The following SLC12A5 variants were observed in gnomAD, a reference collection of about 807,000 sequenced individuals.
SLC12A5 encodes the protein solute carrier family 12 member 5, also known as K-Cl cotransporter 2.
A neutral mutation model predicts 124.0 loss-of-function variants in SLC12A5; 18 were observed. The ratio of observed to expected loss-of-function variants is 0.15; its 90% CI spans 0.10 to 0.22. SLC12A5 has a LOEUF of 0.22. SLC12A5 is among the 10% of genes least tolerant of loss of function. SLC12A5 has a pLI of 1.00. For missense variants in SLC12A5, 867 were observed against 1,478.7 expected, an observed-to-expected ratio of 0.59 and a Z score of 6.78; for synonymous variants, 589 against 568.0, an observed-to-expected ratio of 1.04 and a Z score of -0.53.
intron 9 of SLC12A5, 130 bp from the exon 10 acceptor site, chr20:46,043,503 G>A: frequency 1.7e-6 from 2 of 1,180,622 alleles, no homozygotes; most frequent in Middle Eastern, 2.7e-4. Context: ...ACATGTCCAA[G>A]GTCTCACACA....
chr20:46,032,423 A>G (rs918787899), intron 1 of SLC12A5, among the ~76,000 whole-genome samples: 2 of 152,228 alleles, frequency 1.3e-5, no homozygotes, highest in East Asian at 3.8e-4. Context: ...CAGGACCCCA[A>G]AATCTTGCGG....
At chr20:46,024,975 A>G (rs1341559270), upstream of SLC12A5, among the ~76,000 whole-genome samples, 3 of 152,204 alleles carry the variant, frequency 2.0e-5, no homozygotes, top group Admixed American at 6.5e-5. Context: ...ATGTGTCCCC[A>G]TGGAGGGAGA....
intron 1 of SLC12A5, among the ~76,000 whole-genome samples, chr20:46,031,502 G>A (rs2084449036): frequency 6.6e-6 from 1 of 152,178 alleles, no homozygotes; most frequent in African/African-American, 2.4e-5. Context: ...AGATTCTTGG[G>A]GATGTACGGG....
intron 6 of SLC12A5, among the ~76,000 whole-genome samples, 167 bp from the exon 7 acceptor site, chr20:46,040,206 G>C (rs1350555777): frequency 1.4e-4 from 21 of 152,230 alleles, no homozygotes; most frequent in Non-Finnish European, 1.5e-5. Context: ...CATAGTCCTT[G>C]CAGGACAGGC....
chr20:46,056,096 G>A lies in SLC12A5; in HGVS notation c.2788-54G>A, dbSNP rs544959995. ...TCATCTCTGGTGATAGCTCTTTGCAGGGCATGGGTGGTGACTCCCAGCAGA... is the reference window on the plus strand; with the variant it reads ...TCATCTCTGGTGATAGCTCTTTGCAAGGCATGGGTGGTGACTCCCAGCAGA... On this transcript the variant is annotated intron_variant, in intron 21 of 25. Coordinates refer to ENST00000243964, the MANE Select transcript of SLC12A5 (RefSeq NM_020708.5). This position sits in a 1 kb window ranked among gnomAD's most constrained non-coding sequence, Gnocchi z 4.3. 1 of 1,607,524 alleles carries A rather than the reference G, an allele frequency of 6.2e-7. No individual in the cohort carries two copies. Among genetic ancestry groups the A allele is most frequent in the Admixed American group, 1.7e-5 (1 of 59,566 alleles).
At chr20:46,040,269 C>A in intron 6 of SLC12A5, 104 bp from the exon 7 acceptor site, 1 of 1,509,322 alleles carries the variant, frequency 6.6e-7, no homozygotes. Context: ...CAGTCTGGTA[C>A]CACTGTGACT....
intron 6 of SLC12A5, chr20:46,038,185 C>CATTTT (rs944576563): frequency 6.6e-6 from 1 of 152,064 alleles, no homozygotes; most frequent in African/African-American, 2.4e-5. Context: ...TAAAGGTGGC[C>CATTTT]ATTTTATTTT....
In SLC12A5 at chr20:46,053,536, C is replaced by G. The variant is rs2084664211; in HGVS notation, c.2548-42C>G. ...GGCCTGGCCCTGGATCTCCTCATCACATCTGGGCTGGACCTTTCTGAATCC... is the reference window on the plus strand; with the variant it reads ...GGCCTGGCCCTGGATCTCCTCATCAGATCTGGGCTGGACCTTTCTGAATCC... On this transcript the variant is annotated intron_variant, in intron 19 of 25. Transcript: ENST00000243964. This position sits in a 1 kb window ranked among gnomAD's most constrained non-coding sequence, Gnocchi z 4.7. 1 of 1,610,162 alleles carries G rather than the reference C, an allele frequency of 6.2e-7. No homozygotes were observed. The highest frequency in any genetic ancestry group is 8.5e-7 in the Non-Finnish European group (1 of 1,178,768).
rs1403923520 is a variant in SLC12A5, at chr20:46,045,182, C to A, written c.1569+42C>A. ...AACAGCCCACCCTCAGTAGACCAGC[C>A]AGGCCCCTGCCCAGAGAGACCACAC... On this transcript the variant is annotated intron_variant, in intron 12 of 25. Transcript: ENST00000243964. This position sits in a 1 kb window ranked among gnomAD's most constrained non-coding sequence, Gnocchi z 4.9. The A allele has an allele frequency of 1.3e-6, 2 of 1,524,482 alleles. No individual in the cohort carries two copies. The highest frequency in any genetic ancestry group is 1.8e-6 in the Non-Finnish European group (2 of 1,142,220). The allele number at this position is 1,524,482 out of a possible 1,614,324, so 94.4% of individuals were successfully genotyped here.
intron 1 of SLC12A5, among the ~76,000 whole-genome samples, chr20:46,034,427 G>C (rs2084479400): frequency 6.6e-6 from 1 of 152,224 alleles, no homozygotes; most frequent in South Asian, 2.1e-4. Flanking sequence ...CAAGGATGAT[G>C]TCTTCTGTGT....
At chr20:46,025,390 C>T (rs1051924209), upstream of SLC12A5, among the ~76,000 whole-genome samples, 12 of 152,116 alleles carry the variant, frequency 7.9e-5, no homozygotes, top group Non-Finnish European at 1.3e-4. Flanking sequence ...CAAGGTGAGC[C>T]CTAGGAATCT....
intron 13 of SLC12A5, 33 bp from the exon 14 acceptor site, chr20:46,046,305 C>T (rs1411491741): frequency 6.3e-7 from 1 of 1,587,706 alleles, no homozygotes; most frequent in Non-Finnish European, 8.6e-7. Flanking sequence ...CCCTTTGCAT[C>T]TCTGTCTCCC....
chr20:46,041,265 T>G, intron 7 of SLC12A5, 64 bp from the exon 8 acceptor site: 1 of 1,425,868 alleles, frequency 7.0e-7, no homozygotes, highest in Non-Finnish European at 9.8e-7. Context: ...TCCCGGTGGC[T>G]GTATTGTGCA....
At chr20:46,021,901 G>A (rs964457927) in intron 1 of SLC12A5, 2 of 1,513,886 alleles carry the variant, frequency 1.3e-6, no homozygotes, top group Non-Finnish European at 1.8e-6. Context: ...AGGCCGCAGG[G>A]GGCGGGGCCT....
In SLC12A5 at chr20:46,056,762, GGAAAGGT is replaced by G. The variant is rs2084699663; in HGVS notation, c.3111-131_3111-125del. The stretch of plus-strand genomic sequence containing the variant: ...CTCAGAATTCCCAGTTGCAGGCAGC[GGAAAGGT>G]GAAGGGTGTGGGGGCTGGCAGAGCA... On this transcript the variant is annotated intron_variant, in intron 23 of 25. Transcript: ENST00000243964. The surrounding 1 kb of genome is among the most constrained non-coding windows in gnomAD (Gnocchi z 4.3). 1 of 1,182,384 alleles carries G rather than the reference GGAAAGGT, an allele frequency of 8.5e-7. No homozygotes were observed. The highest frequency in any genetic ancestry group is 1.5e-5 in the African/African-American group (1 of 66,218). The allele number at this position is 1,182,384 out of a possible 1,614,324, so 73.2% of individuals were successfully genotyped here.
intron 3 of SLC12A5, 51 bp downstream of exon 3, chr20:46,035,586 G>T (rs148864765): frequency 2.0e-6 from 3 of 1,522,158 alleles, no homozygotes; most frequent in African/African-American, 1.4e-5. Context: ...GATGGGGGGT[G>T]GGGGAGGATG....
At chr20:46,034,752 G>A (rs528967418) in intron 1 of SLC12A5, among the ~76,000 whole-genome samples, 196 bp from the exon 2 acceptor site, 2 of 152,206 alleles carry the variant, frequency 1.3e-5, no homozygotes, top group Admixed American at 6.5e-5. Context: ...CTGTTAATAC[G>A]CAGTGCATAC....
intron 7 of SLC12A5, chr20:46,041,121 T>C (rs2084542320): frequency 1.1e-5 from 6 of 525,890 alleles, no homozygotes; most frequent in Non-Finnish European, 6.8e-6. Flanking sequence ...ATGCGGTGCT[T>C]CTCCACCTTG....
chr20:46,049,833 C>T (rs751834950), intron 17 of SLC12A5, 43 bp downstream of exon 17: 1 of 1,515,842 alleles, frequency 6.6e-7, no homozygotes, highest in East Asian at 2.3e-5. Context: ...GGTCAGGACA[C>T]TTAGGAAGAC....
Sources: allele counts gnomAD v4.1 joint callset (sites outside exome capture counted in the v4.1 genomes callset), GRCh38; gene constraint gnomAD v4.1.1; non-coding constraint Gnocchi (gnomAD v3.1); transcripts MANE v1.5; gene names NCBI Gene and HGNC (gene_info 2026-07-23, HGNC 2026-07-21).